The following KIF23 variants were observed in gnomAD, a reference collection of about 807,000 sequenced individuals.
KIF23 encodes kinesin-like protein KIF23.
Under a neutral mutation model 137.5 loss-of-function variants are expected in KIF23, and 30 were observed. The observed-to-expected ratio is 0.22, with a 90% CI of 0.16 to 0.30. The LOEUF is 0.30. Ranked by LOEUF, KIF23 falls within the 10% of genes least tolerant of loss-of-function variation. The pLI is 1.00. For missense variants in KIF23, 920 were observed against 1,194.3 expected, an observed-to-expected ratio of 0.77 and a Z score of 3.38; for synonymous variants, 367 against 391.1, an observed-to-expected ratio of 0.94 and a Z score of 0.73.
At position 69,444,422 on chromosome 15, in the gene KIF23, A is replaced by G. The variant is rs2057699640; in HGVS notation, c.2422-368A>G. ...TTCATTGATCTTATTGAAGATTTTAACAGAGTTGTGGACATAATAGATTAC... is the reference window on the plus strand; with the variant it reads ...TTCATTGATCTTATTGAAGATTTTAGCAGAGTTGTGGACATAATAGATTAC... On this transcript the variant is annotated intron_variant, in intron 19 of 23. Coordinates refer to ENST00000679126, the MANE Select transcript of KIF23 (RefSeq NM_001367805.3). This position sits in a 1 kb window ranked among gnomAD's most constrained non-coding sequence, Gnocchi z 4.2. 1 of 170,396 alleles carries G rather than the reference A, an allele frequency of 5.9e-6. No homozygotes were observed. Among genetic ancestry groups the G allele is most frequent in the Non-Finnish European group, 1.2e-5 (1 of 80,308 alleles). The allele number at this position is 170,396 out of a possible 1,614,324, so 10.6% of individuals were successfully genotyped here.
intron 4 of KIF23, 54 bp from the exon 5 acceptor site, chr15:69,421,938 A>G: frequency 1.9e-6 from 3 of 1,589,798 alleles, no homozygotes; most frequent in Non-Finnish European, 2.6e-6. Flanking sequence ...GTGAAGAAAT[A>G]CTCTAAGTGG....
Position 69,414,369 on chromosome 15 carries a change from C to T in KIF23, c.-97C>T, listed in dbSNP as rs778263685. 1.3e-5 allele frequency: 19 copies of T among 1,506,350 alleles called. No individual in the cohort carries two copies. Among genetic ancestry groups the T allele is most frequent in the Admixed American group, 2.1e-5 (1 of 48,612 alleles). 93.3% of individuals were successfully genotyped at this position (1,506,350 alleles called of 1,614,324 possible). On this transcript the variant is annotated 5_prime_UTR_variant, in exon 1 of 24. Coordinates refer to ENST00000679126, the MANE Select transcript of KIF23 (RefSeq NM_001367805.3). ...GCTTCGCAGAGCACCGCGCCTTAGC[C>T]GCGAAGTTCTAGTTCTTGCTGCCGG...
At chr15:69,422,151 G>A (rs755397176) in intron 5 of KIF23, 23 bp downstream of exon 5, 2 of 1,611,440 alleles carry the variant, frequency 1.2e-6, no homozygotes, top group East Asian at 4.5e-5. Flanking sequence ...CTTTTGTGTT[G>A]TGACTATCTT....
intron 3 of KIF23, 95 bp from the exon 4 acceptor site, chr15:69,421,552 C>A: frequency 1.3e-6 from 1 of 760,752 alleles, no homozygotes; most frequent in Non-Finnish European, 2.2e-6. Context: ...ATGCTTAGAT[C>A]TTAAATGTCA....
intron 22 of KIF23, 22 bp downstream of exon 22, chr15:69,446,386 T>A (rs2057740837): frequency 6.3e-7 from 1 of 1,584,892 alleles, no homozygotes; most frequent in Non-Finnish European, 8.7e-7. Context: ...ATTAAATATT[T>A]GTCTGCCTAC....
rs1305190845 is a variant in KIF23, at chr15:69,422,673, ATTG to A, written c.563+243_563+245del. ...TGGATGGGGAGAGGGTATAAAAGCC[ATTG>A]TTGTGTGTTCGGGAGGACGTGGGAA... On this transcript the variant is annotated intron_variant, in intron 6 of 23. Transcript: ENST00000679126. Among the ~76,000 whole-genome samples the A allele has an allele frequency of 7.2e-5, 11 of 152,286 alleles. No individual in the cohort carries two copies. The East Asian group carries it at 2.1e-3, about 29-fold the overall frequency.
At chr15:69,425,037 A>G (rs2057155098) in intron 7 of KIF23, among the ~76,000 whole-genome samples, 1 of 152,172 alleles carries the variant, frequency 6.6e-6, no homozygotes, top group African/African-American at 2.4e-5. Context: ...TTTCTGGGTA[A>G]CTCCTTAAAT....
rs1465789540 is a variant in KIF23, at chr15:69,426,471, ATGTGGAGTTTT to A, written c.1011+16_1011+26del. ...AATGTCTTACAGGTAAAGTTGTAGT[ATGTGGAGTTTT>A]TCTGGTTCTAACTCTATCCTTAATT... On this transcript the variant is annotated intron_variant, in intron 10 of 23. Coordinates refer to ENST00000679126, the MANE Select transcript of KIF23 (RefSeq NM_001367805.3). 6.2e-7 allele frequency: 1 copy of A among 1,612,500 alleles called. No individual in the cohort carries two copies. Among genetic ancestry groups the A allele is most frequent in the Non-Finnish European group, 8.5e-7 (1 of 1,179,428 alleles).
chr15:69,423,580 GA>G (rs1421364522), intron 7 of KIF23, among the ~76,000 whole-genome samples: 2 of 152,136 alleles, frequency 1.3e-5, no homozygotes, highest in Non-Finnish European at 2.9e-5. Context: ...TCATCTTGGA[GA>G]TTACTTTTGA....
chr15:69,445,865 G>C, intron 20 of KIF23, 144 bp from the exon 21 acceptor site: 2 of 636,920 alleles, frequency 3.1e-6, no homozygotes, highest in South Asian at 4.1e-5. Context: ...TTGATAGTAC[G>C]TACTCAGCAA....
intron 15 of KIF23, among the ~76,000 whole-genome samples, chr15:69,437,570 C>T (rs1447689746): frequency 6.7e-6 from 1 of 148,318 alleles, no homozygotes. Flanking sequence ...AAGCGATTTT[C>T]CTGCCTCAGC....
Position 69,439,984 on chromosome 15 carries a change from G to C in KIF23, c.1836G>C (p.Gln612His), listed in dbSNP as rs760676166. ...AACAGGAACTTGAAACTCAGAACCA[G>C]AAACTTCAGCGACAGTTTTCTGACA... ...NLQQELETQNQKLQRQFSDKR... is the reference protein window; with the variant it reads ...NLQQELETQNHKLQRQFSDKR... The change falls in exon 17 of 24, where the codon CAG (glutamine) becomes CAC (histidine). Residue 612 changes from glutamine (Q) to histidine (H), a missense_variant. Physicochemically the swap from Gln to His is conservative, Grantham distance 24. This residue lies in a region of KIF23 where 714 missense variants were observed against 866.2 expected (regional missense o/e 0.82). Coordinates refer to ENST00000679126, the MANE Select transcript of KIF23 (RefSeq NM_001367805.3). 1.9e-6 allele frequency: 3 copies of C among 1,614,026 alleles called. No homozygotes were observed. In the African/African-American group the frequency reaches 4.0e-5, roughly 22 times the overall value.
intron 11 of KIF23, among the ~76,000 whole-genome samples, chr15:69,429,417 A>G (rs2057294466): frequency 6.6e-6 from 1 of 152,036 alleles, no homozygotes; most frequent in Admixed American, 6.6e-5. Context: ...TGATTCTCCC[A>G]TTGTAACCTT....
chr15:69,445,635 AT>A (rs1005812616), intron 20 of KIF23, among the ~76,000 whole-genome samples: 19 of 152,034 alleles, frequency 1.2e-4, no homozygotes, highest in African/African-American at 4.6e-4. Flanking sequence ...CTATACTGTC[AT>A]TTGAATATGG....
chr15:69,428,185 G>A (rs535160555), intron 10 of KIF23, among the ~76,000 whole-genome samples: 109 of 152,144 alleles, frequency 7.2e-4, no homozygotes, highest in African/African-American at 2.5e-3. Context: ...AACCAGGGAG[G>A]TGGAGGTTGT....
At chr15:69,423,055 T>C in intron 6 of KIF23, 104 bp from the exon 7 acceptor site, 1 of 763,942 alleles carries the variant, frequency 1.3e-6, no homozygotes. Context: ...TGCCTCGGCC[T>C]CCCAAAGTGC....
chr15:69,416,434 C>T (rs370508594), intron 2 of KIF23, among the ~76,000 whole-genome samples: 55 of 152,132 alleles, frequency 3.6e-4, no homozygotes, highest in African/African-American at 1.2e-3. Flanking sequence ...CTTCTTGGGA[C>T]CAAGTTTAAT....
intron 11 of KIF23, among the ~76,000 whole-genome samples, chr15:69,431,669 C>T (rs368903300): frequency 1.3e-4 from 19 of 151,490 alleles, no homozygotes; most frequent in African/African-American, 4.6e-4. Flanking sequence ...TAATTCATAG[C>T]GAATGGAGAG....
At chr15:69,447,700 A>G in intron 23 of KIF23, 92 bp from the exon 24 acceptor site, 1 of 1,161,144 alleles carries the variant, frequency 8.6e-7, no homozygotes, top group Non-Finnish European at 1.3e-6. Context: ...ATCATAAAAC[A>G]GCAGTTCTCA....
Sources: gnomAD v4.1 joint callset for allele counts (sites outside exome capture counted in the v4.1 genomes callset) on GRCh38, gnomAD v4.1.1 for gene constraint, gnomAD v4.1.1 regional missense constraint, Gnocchi (gnomAD v3.1) non-coding constraint, MANE v1.5 for transcripts, NCBI Gene and HGNC (gene_info 2026-07-23, HGNC 2026-07-21) for gene names.